SLC71A1: variants seen among roughly 807,000 people sequenced by gnomAD.
The protein encoded by SLC71A1 is solute carrier family 71 member 1, also known as hippocampus abundant gene transcript 1.
chr1:100,061,840 A>G, the SLC71A1 span: 1 of 1,594,506 alleles, frequency 6.3e-7, no homozygotes, highest in Non-Finnish European at 8.6e-7. Context: ...CCTAGGTGGT[A>G]CTTTGCTGTT....
the SLC71A1 span, chr1:100,068,345 GAAA>G: frequency 1.1e-6 from 1 of 929,816 alleles, no homozygotes; most frequent in African/African-American, 1.7e-5. Flanking sequence ...TGGGGAATAT[GAAA>G]TAAATAAAAA....
chr1:100,066,281 G>A, the SLC71A1 span, among the ~76,000 whole-genome samples: 1 of 152,094 alleles, frequency 6.6e-6, no homozygotes. Flanking sequence ...CTTTATTTCA[G>A]CTAGCCCTTC....
At chr1:100,051,915 C>A in the SLC71A1 span, among the ~76,000 whole-genome samples, 1 of 152,140 alleles carries the variant, frequency 6.6e-6, no homozygotes, top group Non-Finnish European at 1.5e-5. Context: ...ATCCTTACAA[C>A]CACCTTATCA....
the SLC71A1 span, among the ~76,000 whole-genome samples, chr1:100,072,175 A>G: frequency 6.6e-6 from 1 of 152,378 alleles, no homozygotes; most frequent in Admixed American, 6.5e-5. Flanking sequence ...GAAATATACA[A>G]TTGAGAATGA....
the SLC71A1 span, among the ~76,000 whole-genome samples, chr1:100,042,843 C>A: frequency 6.6e-6 from 1 of 152,088 alleles, no homozygotes; most frequent in Non-Finnish European, 1.5e-5. Context: ...CTCTTGACTT[C>A]GGGTGATCCA....
the SLC71A1 span, among the ~76,000 whole-genome samples, chr1:100,046,407 G>A: frequency 6.6e-6 from 1 of 151,828 alleles, no homozygotes; most frequent in East Asian, 1.9e-4. Context: ...TGTATTTTTA[G>A]TAGAGACGGG....
chr1:100,041,047 T>C, the SLC71A1 span, among the ~76,000 whole-genome samples: 1 of 152,216 alleles, frequency 6.6e-6, no homozygotes, highest in African/African-American at 2.4e-5. Flanking sequence ...TTCTTTCCCG[T>C]TGTCCTGCTA....
At chr1:100,047,169 C>T in the SLC71A1 span, among the ~76,000 whole-genome samples, 2 of 152,172 alleles carry the variant, frequency 1.3e-5, no homozygotes, top group Admixed American at 6.5e-5. Context: ...CAGGTTTTCC[C>T]TGTTCAGCAT....
At chr1:100,048,018 C>T in the SLC71A1 span, among the ~76,000 whole-genome samples, 1 of 151,972 alleles carries the variant, frequency 6.6e-6, no homozygotes, top group South Asian at 2.1e-4. Context: ...TATTGTTTTT[C>T]AGAGTTGAAA....
chr1:100,075,731 T>C, the SLC71A1 span, among the ~76,000 whole-genome samples: 1 of 152,024 alleles, frequency 6.6e-6, no homozygotes, highest in South Asian at 2.1e-4. Context: ...CAGGCTGGAG[T>C]GCAGTGGTGT....
chr1:100,038,430 C>T, the SLC71A1 span: 1 of 851,168 alleles, frequency 1.2e-6, no homozygotes, highest in South Asian at 1.5e-5. Context: ...TTCCCCCACC[C>T]TGTCCGAGCT....
chr1:100,080,635 A>G, the SLC71A1 span: 2 of 1,614,058 alleles, frequency 1.2e-6, no homozygotes, highest in South Asian at 2.2e-5. Flanking sequence ...GAACAAACAC[A>G]AGCCCTCAGC....
At chr1:100,078,680 A>G in the SLC71A1 span, 1 of 611,060 alleles carries the variant, frequency 1.6e-6, no homozygotes, top group Non-Finnish European at 2.9e-6. Flanking sequence ...TGATATAAAC[A>G]GGAAAAGCAG....
chr1:100,069,105 A>G, the SLC71A1 span, among the ~76,000 whole-genome samples: 1 of 152,224 alleles, frequency 6.6e-6, no homozygotes, highest in African/African-American at 2.4e-5. Context: ...GTATATTAAG[A>G]TATTTGGCTT....
the SLC71A1 span, among the ~76,000 whole-genome samples, chr1:100,066,047 A>C: frequency 6.6e-6 from 1 of 152,148 alleles, no homozygotes. Flanking sequence ...GTAGGCTAGA[A>C]ATGTCTGCGG....
the SLC71A1 span, among the ~76,000 whole-genome samples, chr1:100,066,575 G>A: frequency 2.8e-4 from 43 of 152,108 alleles, no homozygotes; most frequent in Non-Finnish European, 5.4e-4. Context: ...TTCTTCCAGC[G>A]TGGCCCAGGG....
chr1:100,049,937 A>G, the SLC71A1 span: 3 of 1,609,852 alleles, frequency 1.9e-6, no homozygotes, highest in Non-Finnish European at 8.5e-7. Context: ...CCTAGTGTCT[A>G]TCATGCAGTT....
the SLC71A1 span, chr1:100,080,676 A>C: frequency 6.2e-7 from 1 of 1,607,524 alleles, no homozygotes; most frequent in Non-Finnish European, 8.5e-7. Flanking sequence ...CTCATTCAAC[A>C]TGATCAAATT....
At chr1:100,072,312 T>C in the SLC71A1 span, among the ~76,000 whole-genome samples, 1 of 152,358 alleles carries the variant, frequency 6.6e-6, no homozygotes, top group South Asian at 2.1e-4. Flanking sequence ...CACGTGCTTT[T>C]GTTCCTGCTA....
Sources: allele counts gnomAD v4.1 joint callset (sites outside exome capture counted in the v4.1 genomes callset), GRCh38; gene constraint gnomAD v4.1.1; transcripts MANE v1.5; gene names NCBI Gene and HGNC (gene_info 2026-07-23, HGNC 2026-07-21).